Variants in ROCK1 observed in about 807,000 individuals in gnomAD.
ROCK1 encodes the protein Rho associated coiled-coil containing protein kinase 1.
In ROCK1, 36 loss-of-function variants were observed where a neutral mutation model predicts 196.8. The observed-to-expected ratio is 0.18, with a 90% CI of 0.14 to 0.24. The LOEUF (loss-of-function observed/expected upper bound fraction) is 0.24. Among genes scored for constraint, ROCK1 ranks in the 10% least tolerant of loss-of-function variants. The pLI, the probability that ROCK1 is intolerant of heterozygous loss-of-function variation, is 1.00. For missense variants in ROCK1, 920 were observed against 1,562.0 expected, an observed-to-expected ratio of 0.59 and a Z score of 6.93; for synonymous variants, 443 against 515.9, an observed-to-expected ratio of 0.86 and a Z score of 1.91.
intron 31 of ROCK1, among the ~76,000 whole-genome samples, chr18:20,954,222 T>C (rs1298710300): frequency 7.1e-6 from 1 of 140,534 alleles, no homozygotes; most frequent in African/African-American, 2.7e-5. Flanking sequence ...CAACTTGGAA[T>C]AATTTCTTAG....
chr18:20,972,189 C>A (rs2035435619), intron 22 of ROCK1, among the ~76,000 whole-genome samples: 1 of 151,974 alleles, frequency 6.6e-6, no homozygotes, highest in African/African-American at 2.4e-5. Flanking sequence ...TTAGTTAACA[C>A]TGGGAAAATT....
Position 20,992,890 on chromosome 18 carries a change from G to C in ROCK1, c.1933C>G (p.Leu645Val), listed in dbSNP as rs745575137. The C allele has an allele frequency of 4.3e-6, 7 of 1,612,538 alleles. No individual in the cohort carries two copies. The highest frequency in any genetic ancestry group is 5.9e-6 in the Non-Finnish European group (7 of 1,179,198). The change falls in exon 17 of 33, where the codon CTC (leucine) becomes GTC (valine). Residue 645 changes from leucine (L) to valine (V), a missense_variant. This residue lies in a region of ROCK1 where 520 missense variants were observed against 657.1 expected (regional missense o/e 0.79). Coordinates refer to ENST00000399799, the MANE Select transcript of ROCK1 (RefSeq NM_005406.3). Reference protein sequence around the residue: ...QEEVKHLKHNLEKVEGERKEA... With the variant: ...QEEVKHLKHNVEKVEGERKEA... ...TTTCTTTCTCCTTCCACTTTTTCGA[G>C]ATTATGTTTGAGATGCTTCACCTCC...
rs774542704 is a variant in ROCK1 at position 21,017,186 on chromosome 18, C to CTTTTT, written c.1362-1712_1362-1708dup. 2.7e-3 allele frequency among the ~76,000 whole-genome samples: 270 copies of CTTTTT among 99,060 alleles called. 1 individual carries two copies. The highest frequency in any genetic ancestry group is 4.7e-3 in the African/African-American group (111 of 23,532). The allele number at this position is 99,060 out of a possible 152,430, so 65.0% of individuals were successfully genotyped here. A position where few individuals can be genotyped will look rare whatever the true frequency, so the allele number is the denominator to read the frequency against. On this transcript the variant is annotated intron_variant, in intron 12 of 32. Coordinates refer to ENST00000399799, the MANE Select transcript of ROCK1 (RefSeq NM_005406.3). ...TCCCCAATTAACACATACCACACTT[C>CTTTTT]TTTTTTTTTTTTTTTTTTTTTTTGA...
intron 4 of ROCK1, among the ~76,000 whole-genome samples, chr18:21,045,899 G>GTTTCTTTTTTT (rs746861081): frequency 1.6e-5 from 1 of 62,496 alleles, no homozygotes; most frequent in African/African-American, 7.0e-5. Flanking sequence ...AGTTTCAGCT[G>GTTTCTTTTTTT]TTTTTTTTTT....
At chr18:21,031,878 C>A (rs1441160589) in intron 9 of ROCK1, among the ~76,000 whole-genome samples, 1 of 151,580 alleles carries the variant, frequency 6.6e-6, no homozygotes, top group Admixed American at 6.6e-5. Flanking sequence ...TCTGAACAGG[C>A]AGAGGAAAAA....
intron 22 of ROCK1, among the ~76,000 whole-genome samples, chr18:20,971,209 T>C (rs2035422711): frequency 6.6e-6 from 1 of 151,872 alleles, no homozygotes; most frequent in African/African-American, 2.4e-5. Context: ...TCAATAAATA[T>C]GTTCTGAATG....
chr18:21,072,361 T>C (rs544925659), intron 1 of ROCK1, among the ~76,000 whole-genome samples: 3 of 152,206 alleles, frequency 2.0e-5, no homozygotes, highest in Non-Finnish European at 4.4e-5. Context: ...GGCAAGAATG[T>C]ATTCTTCTAA....
chr18:21,108,097 T>G (rs2036719223), intron 1 of ROCK1, among the ~76,000 whole-genome samples: 1 of 151,508 alleles, frequency 6.6e-6, no homozygotes, highest in African/African-American at 2.4e-5. Flanking sequence ...AAGTTCAGAT[T>G]GACGGGGTAA....
chr18:20,979,319 T>C (rs1484688280), intron 22 of ROCK1, among the ~76,000 whole-genome samples: 1 of 152,116 alleles, frequency 6.6e-6, no homozygotes, highest in Admixed American at 6.6e-5. Flanking sequence ...TATATATAAA[T>C]AGATCTTTTA....
intron 9 of ROCK1, among the ~76,000 whole-genome samples, chr18:21,029,413 T>G (rs2035987770): frequency 6.6e-6 from 1 of 152,190 alleles, no homozygotes; most frequent in Admixed American, 6.5e-5. Flanking sequence ...AATTTGGTAC[T>G]GAAATATTTT....
At chr18:21,109,651 TACA>T (rs1348061610) in intron 1 of ROCK1, among the ~76,000 whole-genome samples, 1 of 152,182 alleles carries the variant, frequency 6.6e-6, no homozygotes, top group Non-Finnish European at 1.5e-5. Flanking sequence ...CAGGGATGCT[TACA>T]ACAATTCTGA....
chr18:21,024,183 T>A (rs1002008069), intron 10 of ROCK1, among the ~76,000 whole-genome samples: 9 of 152,138 alleles, frequency 5.9e-5, no homozygotes, highest in Admixed American at 5.9e-4. Context: ...CCTCTTCGGG[T>A]CAAAAAAGTT....
chr18:21,075,155 A>G (rs1190388109), intron 1 of ROCK1, among the ~76,000 whole-genome samples: 3 of 152,184 alleles, frequency 2.0e-5, no homozygotes, highest in African/African-American at 4.8e-5. Flanking sequence ...TTATTTTAGT[A>G]GTCTGGCAAT....
intron 1 of ROCK1, among the ~76,000 whole-genome samples, chr18:21,090,151 A>C (rs2036558094): frequency 1.3e-5 from 2 of 152,218 alleles, no homozygotes. Flanking sequence ...GGTCACTTAG[A>C]AAATACTGGT....
intron 1 of ROCK1, among the ~76,000 whole-genome samples, chr18:21,084,234 T>G (rs530542871): frequency 3.5e-5 from 5 of 143,812 alleles, no homozygotes; most frequent in African/African-American, 7.8e-5. Context: ...CTCTTGTACA[T>G]GAGACCAAGA....
rs565654260 is a variant in ROCK1 at position 20,984,440 on chromosome 18, T to C, written c.2400A>G (p.Leu800=). The C allele has an allele frequency of 1.2e-6, 2 of 1,613,234 alleles. No homozygotes were observed. The highest frequency in any genetic ancestry group is 1.3e-5 in the African/African-American group (1 of 75,048). ...LKTQAFEADN[L]KGLEKQMKQE... ...GTTTCATCTGCTTTTCTAAACCTTT[T>C]AAATTGTCTGCCTCAAATGCTTGAG... Residue 800 remains leucine (L), a synonymous_variant, in exon 20 of 33, where the codon TTA becomes TTG. Transcript: ENST00000399799.
At chr18:20,986,283 C>T (rs2035577647) in intron 19 of ROCK1, among the ~76,000 whole-genome samples, 1 of 152,118 alleles carries the variant, frequency 6.6e-6, no homozygotes, top group Non-Finnish European at 1.5e-5. Context: ...TTATGCCTTC[C>T]TTATGCATCT....
intron 10 of ROCK1, among the ~76,000 whole-genome samples, chr18:21,026,445 G>GAAA (rs747563785): frequency 2.2e-3 from 77 of 35,260 alleles, no homozygotes; most frequent in East Asian, 7.8e-3. Flanking sequence ...ACTCTGTCTC[G>GAAA]AAAAAAAAAA....
intron 2 of ROCK1, among the ~76,000 whole-genome samples, chr18:21,063,005 T>C (rs556629467): frequency 6.6e-6 from 1 of 152,290 alleles, no homozygotes; most frequent in East Asian, 1.9e-4. Context: ...TAGTCTGTTT[T>C]TTGCTGCTAT....
Sources: allele counts gnomAD v4.1 joint callset (sites outside exome capture counted in the v4.1 genomes callset), GRCh38; gene constraint gnomAD v4.1.1; regional missense constraint gnomAD v4.1.1; transcripts MANE v1.5; gene names NCBI Gene and HGNC (gene_info 2026-07-23, HGNC 2026-07-21).